Variants in VPS13D observed in about 807,000 individuals in gnomAD.
VPS13D encodes the protein intermembrane lipid transfer protein VPS13D.
A neutral mutation model predicts 461.9 loss-of-function variants in VPS13D; 187 were observed. The ratio of observed to expected loss-of-function variants is 0.40; its 90% CI spans 0.36 to 0.46. VPS13D has a LOEUF of 0.46. Among genes scored for constraint, VPS13D ranks in the 20% least tolerant of loss-of-function variants. The pLI is 0.60. For missense variants in VPS13D, 4,711 were observed against 5,364.9 expected, an observed-to-expected ratio of 0.88 and a Z score of 3.81; for synonymous variants, 1,951 against 1,986.3, an observed-to-expected ratio of 0.98 and a Z score of 0.47.
intron 2 of VPS13D, among the ~76,000 whole-genome samples, chr1:12,236,296 C>T (rs1326354938): frequency 6.6e-6 from 1 of 151,976 alleles, no homozygotes; most frequent in Non-Finnish European, 1.5e-5. Context: ...GGAATGGCTT[C>T]GTAAAGAAGT....
At chr1:12,247,293 G>T (rs763406321) in intron 5 of VPS13D, among the ~76,000 whole-genome samples, 2 of 151,788 alleles carry the variant, frequency 1.3e-5, no homozygotes, top group Non-Finnish European at 2.9e-5. Context: ...TGTGCGTGTC[G>T]TCCCAGCTAC....
At chr1:12,314,565 C>T (rs1431279581) in intron 30 of VPS13D, among the ~76,000 whole-genome samples, 1 of 152,178 alleles carries the variant, frequency 6.6e-6, no homozygotes, top group Non-Finnish European at 1.5e-5. Context: ...AGAATTGAGC[C>T]TTAAAATCAA....
In VPS13D at chr1:12,283,483, A is replaced by G. The variant is rs1641855722; in HGVS notation, c.5381A>G (p.Lys1794Arg). ...CACATCAACATATTCTTGGTAGATA[A>G]GAAACATCCAGAATTCTCTTCCAGT... ...LVHINIFLVD[K>R]KHPEFSSSYN... is the part of the protein sequence containing the mutation. Residue 1794 changes from lysine to arginine, a missense_variant, in exon 21 of 70, where the codon AAG (lysine) becomes AGG (arginine). Lys to Arg is a conservative substitution (Grantham distance 26). Transcript: ENST00000620676. The G allele has an allele frequency of 6.2e-7, 1 of 1,614,242 alleles. No homozygotes were observed. Among genetic ancestry groups the G allele is most frequent in the Non-Finnish European group, 8.5e-7 (1 of 1,180,026 alleles).
chr1:12,370,768 C>A (rs1240922297), intron 54 of VPS13D, among the ~76,000 whole-genome samples: 7 of 152,208 alleles, frequency 4.6e-5, no homozygotes, highest in Admixed American at 3.9e-4. Context: ...GAATCTAAAT[C>A]TGGTTGTTAG....
intron 6 of VPS13D, among the ~76,000 whole-genome samples, chr1:12,253,006 A>G (rs1015573134): frequency 5.9e-5 from 9 of 151,288 alleles, no homozygotes; most frequent in African/African-American, 1.9e-4. Context: ...TAAAAATACA[A>G]AGTTAGCCGG....
intron 42 of VPS13D, among the ~76,000 whole-genome samples, chr1:12,344,617 AT>A (rs1643637360): frequency 1.3e-5 from 2 of 152,216 alleles, no homozygotes; most frequent in South Asian, 4.1e-4. Flanking sequence ...TTGTTTCCGT[AT>A]TTCATAATCC....
At position 12,350,850 on chromosome 1, in the gene VPS13D, GA is replaced by G. The variant is rs143276471; in HGVS notation, c.9431+1483del. On this transcript the variant is annotated intron_variant, in intron 46 of 69. Transcript: ENST00000620676. ...CACACAAATTACCAATATAAGGAAT[GA>G]AAAAAATGAGGCACTATTACAGATC... is the stretch of plus-strand genomic sequence containing the variant. Among the ~76,000 whole-genome samples, 766 of 152,056 alleles carry G rather than the reference GA, an allele frequency of 5.0e-3. 23 individuals carry two copies. The East Asian group carries it at 0.075, about 15-fold the overall frequency.
intron 46 of VPS13D, among the ~76,000 whole-genome samples, chr1:12,352,551 A>G (rs1447163704): frequency 6.6e-6 from 1 of 152,250 alleles, no homozygotes; most frequent in Non-Finnish European, 1.5e-5. Flanking sequence ...GCTGAAATAA[A>G]AAAAGAATGA....
At chr1:12,325,547 T>C (rs1023371515) in intron 35 of VPS13D, among the ~76,000 whole-genome samples, 2 of 152,204 alleles carry the variant, frequency 1.3e-5, no homozygotes, top group Non-Finnish European at 2.9e-5. Context: ...CGTGAGCCAC[T>C]GTACCCGGCC....
At chr1:12,498,454 C>T (rs1014974546) in intron 68 of VPS13D, among the ~76,000 whole-genome samples, 2 of 152,094 alleles carry the variant, frequency 1.3e-5, no homozygotes, top group African/African-American at 4.8e-5. Flanking sequence ...TTAAGTAGAT[C>T]TCATCTCATA....
Position 12,253,840 on chromosome 1 carries a change from A to G in VPS13D, c.669+14A>G, listed in dbSNP as rs1483583140. The G allele has an allele frequency of 6.2e-7, 1 of 1,610,476 alleles. No homozygotes were observed. The highest frequency in any genetic ancestry group is 8.5e-7 in the Non-Finnish European group (1 of 1,177,014). ...ATGGAGTTACAGGTACGATTTCGGC[A>G]GGGAGATTTGTTGCAAGACAGCATG... On this transcript the variant is annotated intron_variant, in intron 7 of 69. Coordinates refer to ENST00000620676, the MANE Select transcript of VPS13D (RefSeq NM_015378.4).
intron 24 of VPS13D, among the ~76,000 whole-genome samples, chr1:12,296,545 A>T (rs1015698553): frequency 6.6e-6 from 1 of 152,190 alleles, no homozygotes; most frequent in African/African-American, 2.4e-5. Context: ...TATCCTATGT[A>T]GCAACTATAT....
chr1:12,481,151 T>C (rs1324721342), intron 67 of VPS13D, among the ~76,000 whole-genome samples: 5 of 152,122 alleles, frequency 3.3e-5, no homozygotes. Flanking sequence ...CTGTTGCCTC[T>C]GCATTGGCCG....
At chr1:12,245,624 T>G (rs2101215162) in intron 5 of VPS13D, among the ~76,000 whole-genome samples, 1 of 152,286 alleles carries the variant, frequency 6.6e-6, no homozygotes, top group Middle Eastern at 3.4e-3. Context: ...CTTGGGAGGC[T>G]GGGGCAAGAG....
At position 12,358,619 on chromosome 1, in the gene VPS13D, C is replaced by T. The variant is rs748863435; in HGVS notation, c.10141+18C>T. On this transcript the variant is annotated intron_variant, in intron 50 of 69. Transcript: ENST00000620676. ...TAACATTGGTGGGTTACATTTGGGG[C>T]AGCGGGACAATCAGAACCATTGGCC... The T allele has an allele frequency of 9.3e-6, 15 of 1,612,602 alleles. No homozygotes were observed. The highest frequency in any genetic ancestry group is 5.1e-6 in the Non-Finnish European group (6 of 1,179,264).
At chr1:12,467,634 C>T (rs1390407931) in intron 67 of VPS13D, among the ~76,000 whole-genome samples, 5 of 152,150 alleles carry the variant, frequency 3.3e-5, no homozygotes, top group Admixed American at 6.5e-5. Flanking sequence ...AGGCCCCAGA[C>T]GATGCCATTC....
chr1:12,253,581 A>C, intron 6 of VPS13D, 141 bp from the exon 7 acceptor site: 1 of 635,630 alleles, frequency 1.6e-6, no homozygotes, highest in South Asian at 1.9e-5. Context: ...TAAGAGCAGA[A>C]GCATGTTTTA....
chr1:12,403,351 C>T (rs953058696), intron 62 of VPS13D, among the ~76,000 whole-genome samples: 1 of 152,256 alleles, frequency 6.6e-6, no homozygotes, highest in African/African-American at 2.4e-5. Context: ...TACGTCTTTA[C>T]AGCCCGCAGC....
intron 63 of VPS13D, among the ~76,000 whole-genome samples, chr1:12,414,100 A>G (rs998698666): frequency 2.6e-5 from 4 of 152,158 alleles, no homozygotes; most frequent in East Asian, 3.9e-4. Flanking sequence ...CCTGGGCAAC[A>G]TGGTGAAAAC....
Sources: allele counts gnomAD v4.1 joint callset (sites outside exome capture counted in the v4.1 genomes callset), GRCh38; gene constraint gnomAD v4.1.1; transcripts MANE v1.5; gene names NCBI Gene and HGNC (gene_info 2026-07-23, HGNC 2026-07-21).